NIPBL: variants seen among roughly 807,000 people sequenced by gnomAD.
NIPBL encodes NIPBL cohesin loading factor, also known as nipped-B-like protein.
In NIPBL, 19 loss-of-function variants were observed where a neutral mutation model predicts 321.8. The observed-to-expected ratio is 0.06, with a 90% confidence interval of 0.04 to 0.09. The LOEUF is 0.09. Ranked by LOEUF, NIPBL falls within the 10% of genes least tolerant of loss-of-function variation. The pLI is 1.00. For missense variants in NIPBL, 2,210 were observed against 3,327.0 expected (o/e 0.66, Z 8.26); for synonymous variants, 1,106 against 1,114.1 (o/e 0.99, Z 0.14).
At chr5:37,023,522 C>T (rs1055616146) in intron 29 of NIPBL, among the ~76,000 whole-genome samples, 3 of 152,012 alleles carry the variant, frequency 2.0e-5, no homozygotes, top group Non-Finnish European at 4.4e-5. Flanking sequence ...TACTTCTTTT[C>T]TTGTGAACAC....
intron 10 of NIPBL, among the ~76,000 whole-genome samples, chr5:36,993,310 A>G (rs1244275510): frequency 1.3e-5 from 2 of 152,214 alleles, no homozygotes; most frequent in African/African-American, 4.8e-5. Context: ...AAAGTTTTAC[A>G]GAAGTTAAAA....
At chr5:37,034,273 T>G (rs1000525428) in intron 32 of NIPBL, among the ~76,000 whole-genome samples, 1 of 152,212 alleles carries the variant, frequency 6.6e-6, no homozygotes, top group Admixed American at 6.5e-5. Flanking sequence ...ATACAGATAA[T>G]AATTGAGAAA....
At chr5:37,007,866 T>C (rs1347371348) in intron 18 of NIPBL, 142 bp from the exon 19 acceptor site, 7 of 670,958 alleles carry the variant, frequency 1.0e-5, no homozygotes, top group African/African-American at 5.4e-5. Flanking sequence ...GAGAAAAGAA[T>C]AGATGCTGAT....
At position 37,059,183 on chromosome 5, in the gene NIPBL, G is replaced by T. The variant is rs1754401204; in HGVS notation, c.7685+18G>T. On this transcript the variant is annotated intron_variant, in intron 44 of 46. Transcript: ENST00000282516. ...TCTGATAGGTAAGGTTACATAAGCA[G>T]TGAGAGAAAAAACTTCACTCTGTTC... The T allele has an allele frequency of 6.2e-7, 1 of 1,613,300 alleles. No individual in the cohort carries two copies. Among genetic ancestry groups the T allele is most frequent in the African/African-American group, 1.3e-5 (1 of 74,888 alleles).
chr5:36,918,752 C>T (rs572656372), intron 1 of NIPBL, among the ~76,000 whole-genome samples: 11 of 152,108 alleles, frequency 7.2e-5, no homozygotes, highest in Non-Finnish European at 1.5e-4. Flanking sequence ...TGAATTTTGT[C>T]AAAGGCCTTT....
intron 6 of NIPBL, among the ~76,000 whole-genome samples, chr5:36,969,258 T>TA (rs1418867732): frequency 1.3e-5 from 2 of 152,324 alleles, no homozygotes; most frequent in Admixed American, 6.5e-5. Flanking sequence ...ATAACACTGA[T>TA]AAAAAATCTC....
At position 36,938,533 on chromosome 5, in the gene NIPBL, T is replaced by TA. The variant is rs557253694; in HGVS notation, c.-79-15080dup. On this transcript the variant is annotated intron_variant, in intron 1 of 46. Transcript: ENST00000282516. ...AAAAGTAAATGTTATCTCTTCCACC[T>TA]AAAAATGTAAAAACATTTAAAACCT... Among the ~76,000 whole-genome samples, 34 of 152,290 alleles carry TA rather than the reference T, an allele frequency of 2.2e-4. 2 individuals are homozygous for TA. The South Asian group carries it at 6.8e-3, about 31-fold the overall frequency.
chr5:37,009,281 T>C (rs1318186437), intron 20 of NIPBL, among the ~76,000 whole-genome samples: 1 of 152,100 alleles, frequency 6.6e-6, no homozygotes, highest in South Asian at 2.1e-4. Context: ...GTATGGAGAA[T>C]AAACATGGGG....
intron 10 of NIPBL, among the ~76,000 whole-genome samples, chr5:36,990,310 G>A (rs188930032): frequency 3.5e-4 from 53 of 152,268 alleles, no homozygotes; most frequent in African/African-American, 1.2e-3. Flanking sequence ...ACTATCATCA[G>A]CTGGTTGCCT....
intron 1 of NIPBL, among the ~76,000 whole-genome samples, chr5:36,884,383 T>C (rs78044857): frequency 0.014 from 2,121 of 152,296 alleles, 56 homozygotes; most frequent in African/African-American, 0.049. Flanking sequence ...CATGAAAATA[T>C]ATATTTGTGT....
chr5:37,063,725 A>C lies in NIPBL; in HGVS notation c.7861-65A>C, dbSNP rs1040564647. ...CAAACTACTGCCATAGAAAACATTT[A>C]GGAATTTGACAATCTTGCTTGAAAT... On this transcript the variant is annotated intron_variant, in intron 45 of 46. Coordinates refer to ENST00000282516, the MANE Select transcript of NIPBL (RefSeq NM_133433.4). 6 of 1,494,074 alleles carry C rather than the reference A, an allele frequency of 4.0e-6. No individual in the cohort carries two copies. The African/African-American group carries it at 8.3e-5, about 21-fold the overall frequency. 92.6% of individuals were successfully genotyped at this position (1,494,074 alleles called of 1,614,324 possible).
chr5:37,044,512 TTA>T (rs1382411259), intron 35 of NIPBL, 25 bp downstream of exon 35: 1 of 1,610,676 alleles, frequency 6.2e-7, no homozygotes, highest in Non-Finnish European at 8.5e-7. Flanking sequence ...TACCATTTCT[TTA>T]TTCATTAGTG....
At chr5:37,028,230 C>T (rs369427033) in intron 32 of NIPBL, among the ~76,000 whole-genome samples, 14 of 151,928 alleles carry the variant, frequency 9.2e-5, no homozygotes, top group African/African-American at 2.9e-4. Flanking sequence ...ATATCCATCA[C>T]CCAGCTTCAA....
intron 1 of NIPBL, among the ~76,000 whole-genome samples, chr5:36,903,234 C>G (rs921039236): frequency 2.6e-5 from 4 of 152,156 alleles, no homozygotes; most frequent in Non-Finnish European, 5.9e-5. Flanking sequence ...TTGACTTTCT[C>G]TCTTCCTATT....
intron 1 of NIPBL, among the ~76,000 whole-genome samples, chr5:36,930,873 T>G (rs1315107755): frequency 1.3e-5 from 2 of 152,184 alleles, no homozygotes; most frequent in African/African-American, 2.4e-5. Flanking sequence ...CACCCTTGCA[T>G]TCACAGGATA....
chr5:36,897,347 G>T (rs1483653896), intron 1 of NIPBL, among the ~76,000 whole-genome samples: 3 of 152,132 alleles, frequency 2.0e-5, no homozygotes, highest in African/African-American at 7.2e-5. Context: ...CACTGCTAGG[G>T]TATGGAAGTG....
chr5:37,026,103 A>T (rs1750233940), intron 30 of NIPBL, 126 bp from the exon 31 acceptor site: 2 of 629,638 alleles, frequency 3.2e-6, no homozygotes, highest in Non-Finnish European at 5.8e-6. Flanking sequence ...TTAATACCAG[A>T]AATTCCTGGC....
At chr5:36,992,082 T>C (rs1446135743) in intron 10 of NIPBL, among the ~76,000 whole-genome samples, 3 of 152,150 alleles carry the variant, frequency 2.0e-5, no homozygotes, top group African/African-American at 7.2e-5. Context: ...TTTAGCCATA[T>C]TAAAGCCAGA....
intron 34 of NIPBL, among the ~76,000 whole-genome samples, chr5:37,043,251 C>T (rs1323981336): frequency 1.3e-5 from 2 of 151,730 alleles, no homozygotes; most frequent in Non-Finnish European, 2.9e-5. Context: ...AAATTAAGGC[C>T]GGACGCAGTT....
Sources: gnomAD v4.1 joint callset for allele counts (sites outside exome capture counted in the v4.1 genomes callset) on GRCh38, gnomAD v4.1.1 for gene constraint, MANE v1.5 for transcripts, NCBI Gene and HGNC (gene_info 2026-07-23, HGNC 2026-07-21) for gene names.